LUZP2: variants seen among roughly 807,000 people sequenced by gnomAD.
LUZP2 encodes leucine zipper protein 2.
LUZP2 carries 52 observed loss-of-function variants against 51.6 expected under a neutral mutation model. That is an observed-to-expected ratio of 1.01 (90% CI 0.81 to 1.27). LUZP2 has a LOEUF of 1.27. Among genes scored for constraint, LUZP2 ranks in the 50% most tolerant of loss-of-function variants. LUZP2 has a pLI of 0.00. For synonymous variants in LUZP2, 154 were observed against 137.3 expected (o/e 1.12, Z -0.85); for missense variants, 436 against 395.4 (o/e 1.10, Z -0.87).
Position 24,571,234 on chromosome 11 carries a change from C to T in LUZP2, c.62+73929C>T, listed in dbSNP as rs576390900. On this transcript the variant is annotated intron_variant, in intron 1 of 11. Coordinates refer to ENST00000336930, the MANE Select transcript of LUZP2 (RefSeq NM_001009909.4). ...TGATCAAAGGAAAAATTGAATGTCT[C>T]TTAAGAACGTTCCAGCTCTAAGAGG... Among the ~76,000 whole-genome samples the T allele has an allele frequency of 4.1e-5, 3 of 72,722 alleles. No homozygotes were observed. In the East Asian group the frequency reaches 7.9e-4, roughly 19 times the overall value. 47.7% of individuals were successfully genotyped at this position (72,722 alleles called of 152,430 possible).
At chr11:24,536,752 G>A (rs115801104) in intron 1 of LUZP2, among the ~76,000 whole-genome samples, 9 of 151,894 alleles carry the variant, frequency 5.9e-5, no homozygotes, top group African/African-American at 1.9e-4. Context: ...TTTCCTTCAA[G>A]AACATTTCTT....
chr11:24,857,414 T>C (rs1178583707), intron 5 of LUZP2, among the ~76,000 whole-genome samples: 1 of 151,210 alleles, frequency 6.6e-6, no homozygotes, highest in Non-Finnish European at 1.5e-5. Flanking sequence ...ATTTAATAAA[T>C]ATTTTTATAT....
chr11:25,019,900 C>A (rs1015357301), intron 9 of LUZP2, among the ~76,000 whole-genome samples: 1 of 147,404 alleles, frequency 6.8e-6, no homozygotes, highest in Non-Finnish European at 1.5e-5. Flanking sequence ...CACATATTGG[C>A]ATATTGTTTT....
intron 7 of LUZP2, among the ~76,000 whole-genome samples, chr11:24,959,813 C>T (rs1855337753): frequency 1.3e-5 from 2 of 152,256 alleles, no homozygotes; most frequent in South Asian, 4.1e-4. Flanking sequence ...TGAGAGAGGG[C>T]ATCCCTGTCT....
At chr11:24,528,623 T>C (rs1333310802) in intron 1 of LUZP2, among the ~76,000 whole-genome samples, 1 of 151,216 alleles carries the variant, frequency 6.6e-6, no homozygotes, top group Non-Finnish European at 1.5e-5. Context: ...TCTTCATTAA[T>C]CCTCATCAAA....
At position 24,870,757 on chromosome 11, in the gene LUZP2, C is replaced by T. The variant is rs182332007; in HGVS notation, c.397-35234C>T. Among the ~76,000 whole-genome samples, 4 of 152,162 alleles carry T rather than the reference C, an allele frequency of 2.6e-5. No individual in the cohort carries two copies. In the South Asian group the frequency reaches 6.2e-4, roughly 24 times the overall value. ...ACAAAAGCCTTAAGGGGGTTTCTCT[C>T]GGCTAAAAATTTTATTGAAAACACA... On this transcript the variant is annotated intron_variant, in intron 5 of 11. Coordinates refer to ENST00000336930, the MANE Select transcript of LUZP2 (RefSeq NM_001009909.4).
At chr11:24,932,615 G>A (rs904749835) in intron 7 of LUZP2, among the ~76,000 whole-genome samples, 4 of 152,088 alleles carry the variant, frequency 2.6e-5, no homozygotes, top group South Asian at 2.1e-4. Context: ...CACCCAGCTC[G>A]CACACAGCTC....
intron 1 of LUZP2, among the ~76,000 whole-genome samples, chr11:24,659,242 TA>T (rs1855927277): frequency 6.6e-6 from 1 of 152,132 alleles, no homozygotes; most frequent in Non-Finnish European, 1.5e-5. Context: ...TATGCAGCCA[TA>T]AAAAATGATG....
chr11:24,793,538 A>C (rs898595777), intron 5 of LUZP2, among the ~76,000 whole-genome samples: 2 of 152,188 alleles, frequency 1.3e-5, no homozygotes, highest in African/African-American at 4.8e-5. Context: ...TTGCAAAAGA[A>C]AAATTGCACC....
chr11:24,949,239 A>G (rs866317771), intron 7 of LUZP2, among the ~76,000 whole-genome samples: 9 of 151,462 alleles, frequency 5.9e-5, no homozygotes, highest in Admixed American at 2.6e-4. Context: ...GATGATGTCT[A>G]CCTACATCCT....
chr11:25,073,019 C>T (rs1259571665), intron 10 of LUZP2, among the ~76,000 whole-genome samples: 3 of 152,046 alleles, frequency 2.0e-5, no homozygotes, highest in Admixed American at 6.6e-5. Flanking sequence ...AGAACAAAGA[C>T]AGCACTTGAC....
intron 5 of LUZP2, among the ~76,000 whole-genome samples, chr11:24,824,361 C>A (rs1247514944): frequency 7.1e-4 from 7 of 9,914 alleles, no homozygotes; most frequent in Non-Finnish European, 1.6e-3. Context: ...AGCAAAACCC[C>A]ATCTCAAAAA....
At chr11:24,873,156 G>A (rs1185599450) in intron 5 of LUZP2, among the ~76,000 whole-genome samples, 5 of 152,106 alleles carry the variant, frequency 3.3e-5, no homozygotes, top group Non-Finnish European at 7.4e-5. Flanking sequence ...TAGTCTAAAA[G>A]CACAGATCAC....
rs142909331 is a variant in LUZP2, at chr11:24,630,364, T to C, written c.63-98805T>C. 3.7e-3 allele frequency among the ~76,000 whole-genome samples: 559 copies of C among 152,194 alleles called. 3 individuals are homozygous for C. The highest frequency in any genetic ancestry group is 0.013 in the African/African-American group (525 of 41,576). On this transcript the variant is annotated intron_variant, in intron 1 of 11. Transcript: ENST00000336930. ...TTAATTCATTTTAAACTGATTTTTG[T>C]TTATGGTGAGAAATAAGGGTCCGGT...
intron 1 of LUZP2, among the ~76,000 whole-genome samples, chr11:24,576,636 A>C (rs185948691): frequency 6.6e-6 from 1 of 152,156 alleles, no homozygotes; most frequent in Admixed American, 6.5e-5. Context: ...AATGCCAAAC[A>C]TTCTATTTTT....
intron 1 of LUZP2, among the ~76,000 whole-genome samples, chr11:24,712,025 C>A (rs185111415): frequency 1.3e-5 from 2 of 152,030 alleles, no homozygotes; most frequent in African/African-American, 4.8e-5. Flanking sequence ...TATACCATAG[C>A]GTGTTGTCAA....
At chr11:24,748,147 C>T (rs1018776434) in intron 4 of LUZP2, among the ~76,000 whole-genome samples, 1 of 152,098 alleles carries the variant, frequency 6.6e-6, no homozygotes, top group Admixed American at 6.5e-5. Context: ...TCCCCTGACA[C>T]CCCTCCTGAA....
At chr11:24,686,861 C>T (rs1295399254) in intron 1 of LUZP2, among the ~76,000 whole-genome samples, 1 of 152,136 alleles carries the variant, frequency 6.6e-6, no homozygotes, top group African/African-American at 2.4e-5. Context: ...CCTGCTCATG[C>T]TGCTTCCCCG....
chr11:25,018,449 T>G (rs1458509683), intron 9 of LUZP2, among the ~76,000 whole-genome samples: 1 of 152,114 alleles, frequency 6.6e-6, no homozygotes, highest in Non-Finnish European at 1.5e-5. Context: ...TATTTAGAAT[T>G]CTCTCATAAG....
Sources: gnomAD v4.1 joint callset for allele counts (sites outside exome capture counted in the v4.1 genomes callset) on GRCh38, gnomAD v4.1.1 for gene constraint, MANE v1.5 for transcripts, NCBI Gene and HGNC (gene_info 2026-07-23, HGNC 2026-07-21) for gene names.